GULP1: variants seen among roughly 807,000 people sequenced by gnomAD.
The protein encoded by GULP1 is GULP PTB domain containing engulfment adaptor 1, also known as PTB domain-containing engulfment adapter protein 1.
GULP1 carries 19 observed loss-of-function variants against 40.9 expected under a neutral mutation model. That is an observed-to-expected ratio of 0.46 (90% CI 0.32 to 0.68). The LOEUF is 0.68. Ranked by LOEUF, GULP1 falls within the 30% of genes least tolerant of loss-of-function variation. GULP1 has a pLI of 0.03. For synonymous variants in GULP1, 119 were observed against 117.6 expected (o/e 1.01, Z -0.08); for missense variants, 312 against 362.2 (o/e 0.86, Z 1.12).
intron 2 of GULP1, among the ~76,000 whole-genome samples, chr2:188,403,364 G>T (rs2052588928): frequency 6.6e-6 from 1 of 151,854 alleles, no homozygotes; most frequent in Non-Finnish European, 1.5e-5. Flanking sequence ...TAAATATATT[G>T]TTACGTGCCC....
At chr2:188,337,805 A>G (rs967334171) in intron 1 of GULP1, among the ~76,000 whole-genome samples, 2 of 151,904 alleles carry the variant, frequency 1.3e-5, no homozygotes, top group Admixed American at 1.3e-4. Context: ...CCTTCCATAA[A>G]TTTCTTTTTT....
chr2:188,466,403 G>C (rs1042619956), intron 2 of GULP1: 2 of 150,170 alleles, frequency 1.3e-5, no homozygotes, highest in Non-Finnish European at 2.9e-5. Context: ...TCAGTCTCCC[G>C]AGTAGCTGGG....
intron 6 of GULP1, among the ~76,000 whole-genome samples, chr2:188,536,432 AT>A (rs1383253497): frequency 1.3e-5 from 2 of 152,104 alleles, no homozygotes; most frequent in Non-Finnish European, 2.9e-5. Flanking sequence ...AGCAACATTT[AT>A]TGAATAGGGA....
At chr2:188,582,945 G>A (rs370340868) in intron 9 of GULP1, among the ~76,000 whole-genome samples, 2 of 152,160 alleles carry the variant, frequency 1.3e-5, no homozygotes, top group South Asian at 2.1e-4. Flanking sequence ...CTTTCAAGGA[G>A]CTTAGCCTTG....
chr2:188,532,626 T>TATGTGAAC (rs1687833423), intron 6 of GULP1, among the ~76,000 whole-genome samples: 1 of 151,926 alleles, frequency 6.6e-6, no homozygotes, highest in African/African-American at 2.4e-5. Flanking sequence ...CAATGAAAGA[T>TATGTGAAC]ATGTGAACTG....
At chr2:188,567,932 T>C (rs1698148999) in intron 7 of GULP1, among the ~76,000 whole-genome samples, 1 of 152,134 alleles carries the variant, frequency 6.6e-6, no homozygotes, top group East Asian at 1.9e-4. Context: ...CACAACCAAT[T>C]AGTTTAAGTC....
intron 3 of GULP1, among the ~76,000 whole-genome samples, chr2:188,478,638 A>G (rs1392555738): frequency 6.6e-6 from 1 of 152,148 alleles, no homozygotes; most frequent in East Asian, 1.9e-4. Context: ...AAGATACTGC[A>G]AATTGTCAAA....
intron 1 of GULP1, among the ~76,000 whole-genome samples, chr2:188,300,399 A>G (rs182456954): frequency 5.1e-4 from 78 of 152,288 alleles, no homozygotes; most frequent in Non-Finnish European, 8.8e-4. Context: ...TGGAAACTTG[A>G]TAATTTTTCT....
chr2:188,542,703 AATTTT>A (rs1282291959), intron 7 of GULP1, among the ~76,000 whole-genome samples: 4 of 152,136 alleles, frequency 2.6e-5, no homozygotes, highest in East Asian at 1.9e-4. Flanking sequence ...ATTGATTTTG[AATTTT>A]ATTTTATATG....
chr2:188,457,283 C>A (rs1261074420), intron 2 of GULP1, among the ~76,000 whole-genome samples: 1 of 151,964 alleles, frequency 6.6e-6, no homozygotes, highest in East Asian at 1.9e-4. Flanking sequence ...TGGCTGTTTC[C>A]CCACCCAAAT....
chr2:188,544,482 A>G (rs1323504114), intron 7 of GULP1, among the ~76,000 whole-genome samples: 1 of 151,960 alleles, frequency 6.6e-6, no homozygotes. Context: ...GCACATGTAT[A>G]CATATGTAAC....
chr2:188,426,884 G>A (rs1175468058), intron 2 of GULP1, among the ~76,000 whole-genome samples: 1 of 152,170 alleles, frequency 6.6e-6, no homozygotes. Context: ...GGAAAATTTG[G>A]AACTTTTGAG....
intron 1 of GULP1, among the ~76,000 whole-genome samples, chr2:188,374,069 T>G (rs914944024): frequency 6.6e-6 from 1 of 152,066 alleles, no homozygotes; most frequent in African/African-American, 2.4e-5. Context: ...TTAAAGTATA[T>G]AAACATACTT....
At position 188,594,079 on chromosome 2, in the gene GULP1, C is replaced by G. The variant is rs576222212; in HGVS notation, c.*68C>G. 21 of 832,444 alleles carry G rather than the reference C, an allele frequency of 2.5e-5. No homozygotes were observed. In the African/African-American group the frequency reaches 3.2e-4, roughly 13 times the overall value. 51.6% of individuals were successfully genotyped at this position (832,444 alleles called of 1,614,324 possible). On this transcript the variant is annotated 3_prime_UTR_variant, in exon 12 of 12. Transcript: ENST00000409830. Reference sequence around the variant, plus strand: ...ATACACATGTCATTTATTATTATTACTTTAAGATAGGTATTATTCATGTGT... The same window carrying G: ...ATACACATGTCATTTATTATTATTAGTTTAAGATAGGTATTATTCATGTGT...
At chr2:188,493,932 T>C (rs74731728) in intron 4 of GULP1, among the ~76,000 whole-genome samples, 1 of 152,160 alleles carries the variant, frequency 6.6e-6, no homozygotes, top group East Asian at 1.9e-4. Flanking sequence ...GATCTACTTC[T>C]CTAATAACTC....
intron 2 of GULP1, among the ~76,000 whole-genome samples, chr2:188,437,618 G>T (rs541456852): frequency 6.6e-6 from 1 of 151,954 alleles, no homozygotes; most frequent in Admixed American, 6.6e-5. Context: ...ATAAAGACAC[G>T]TACATGTGAA....
intron 1 of GULP1, among the ~76,000 whole-genome samples, chr2:188,326,002 C>T (rs1446963883): frequency 1.3e-5 from 2 of 152,056 alleles, no homozygotes; most frequent in African/African-American, 4.8e-5. Flanking sequence ...AATATAGTTG[C>T]AGAAGAATTG....
At chr2:188,567,811 C>T (rs1275217792) in intron 7 of GULP1, among the ~76,000 whole-genome samples, 2 of 152,058 alleles carry the variant, frequency 1.3e-5, no homozygotes, top group Non-Finnish European at 2.9e-5. Context: ...GTAAAATAAA[C>T]AGAAACCTAT....
chr2:188,314,275 G>A lies in GULP1; in HGVS notation c.-172+22109G>A, dbSNP rs541091851. ...CTAACAAAATACTAGTAGTACAGTA[G>A]GGGAATTGTCTCTGTCCTTAAGAAT... On this transcript the variant is annotated intron_variant, in intron 1 of 11. Transcript: ENST00000409830. Among the ~76,000 whole-genome samples, 8 of 152,220 alleles carry A rather than the reference G, an allele frequency of 5.3e-5. No individual in the cohort carries two copies. In the South Asian group the frequency reaches 1.7e-3, roughly 32 times the overall value.
Sources: allele counts gnomAD v4.1 joint callset (sites outside exome capture counted in the v4.1 genomes callset), GRCh38; gene constraint gnomAD v4.1.1; transcripts MANE v1.5; gene names NCBI Gene and HGNC (gene_info 2026-07-23, HGNC 2026-07-21).